ADGRL3: variants seen among roughly 807,000 people sequenced by gnomAD.
ADGRL3 encodes calcium-independent alpha-latrotoxin receptor 3.
Under a neutral mutation model 153.5 loss-of-function variants are expected in ADGRL3, and 62 were observed. The ratio of observed to expected loss-of-function variants is 0.40; its 90% CI spans 0.33 to 0.50. The LOEUF is 0.50. Ranked by LOEUF, ADGRL3 falls within the 20% of genes least tolerant of loss-of-function variation. The pLI is 0.47. For synonymous variants in ADGRL3, 710 were observed against 672.5 expected (o/e 1.06, Z -0.86); for missense variants, 1,641 against 1,859.4 (o/e 0.88, Z 2.16).
chr4:61,577,391 C>G (rs759924210), intron 4 of ADGRL3, among the ~76,000 whole-genome samples: 3 of 151,948 alleles, frequency 2.0e-5, no homozygotes, highest in Non-Finnish European at 4.4e-5. Flanking sequence ...TTGTTTTATT[C>G]TTCACTAAGT....
At chr4:61,297,055 A>G (rs756302309) in intron 1 of ADGRL3, among the ~76,000 whole-genome samples, 4 of 152,184 alleles carry the variant, frequency 2.6e-5, no homozygotes, top group Non-Finnish European at 4.4e-5. Flanking sequence ...TAGTAGATCA[A>G]TGTGTAGCAC....
intron 15 of ADGRL3, among the ~76,000 whole-genome samples, chr4:61,936,774 A>G (rs1368143738): frequency 7.4e-6 from 1 of 135,998 alleles, no homozygotes; most frequent in Non-Finnish European, 1.6e-5. Context: ...ACATATGTAC[A>G]TATGCATACA....
chr4:61,919,527 T>C (rs1368605573), intron 13 of ADGRL3, among the ~76,000 whole-genome samples: 1 of 152,200 alleles, frequency 6.6e-6, no homozygotes, highest in African/African-American at 2.4e-5. Context: ...CTGTAGTTTT[T>C]TTCAGATAAA....
intron 4 of ADGRL3, among the ~76,000 whole-genome samples, chr4:61,538,633 G>T: frequency 6.6e-6 from 1 of 152,102 alleles, no homozygotes; most frequent in Middle Eastern, 3.4e-3. Flanking sequence ...GTAGAGACAG[G>T]GTTTCTCCAT....
chr4:61,915,085 G>A (rs2098739103), intron 13 of ADGRL3, among the ~76,000 whole-genome samples: 1 of 151,746 alleles, frequency 6.6e-6, no homozygotes, highest in Non-Finnish European at 1.5e-5. Context: ...TTATTTAAAA[G>A]GAAAAGGAGA....
At chr4:61,687,890 T>G (rs928571086) in intron 6 of ADGRL3, among the ~76,000 whole-genome samples, 5 of 152,090 alleles carry the variant, frequency 3.3e-5, no homozygotes, top group Non-Finnish European at 7.4e-5. Flanking sequence ...CTGCTTTGTA[T>G]GTATTATTTT....
chr4:61,786,128 T>C (rs2097273058), intron 8 of ADGRL3, among the ~76,000 whole-genome samples: 1 of 152,202 alleles, frequency 6.6e-6, no homozygotes, highest in Non-Finnish European at 1.5e-5. Context: ...AATGTTAGTT[T>C]CATGTTTCCA....
chr4:61,743,114 A>G (rs930675892), intron 8 of ADGRL3, among the ~76,000 whole-genome samples: 1 of 151,714 alleles, frequency 6.6e-6, no homozygotes, highest in Non-Finnish European at 1.5e-5. Context: ...AGGTTAGAAG[A>G]TCTAGACCAT....
intron 2 of ADGRL3, among the ~76,000 whole-genome samples, chr4:61,491,740 T>C (rs2098260042): frequency 6.6e-6 from 1 of 152,088 alleles, no homozygotes; most frequent in African/African-American, 2.4e-5. Flanking sequence ...TCTCCATACG[T>C]CAGTGTTATA....
At chr4:61,456,504 T>G (rs1388561730) in intron 2 of ADGRL3, among the ~76,000 whole-genome samples, 1 of 130,552 alleles carries the variant, frequency 7.7e-6, no homozygotes, top group Non-Finnish European at 1.6e-5. Context: ...TCTATATCTA[T>G]ATATATATAA....
chr4:61,745,250 G>T (rs1189860810), intron 8 of ADGRL3, among the ~76,000 whole-genome samples: 2 of 152,216 alleles, frequency 1.3e-5, no homozygotes, highest in African/African-American at 2.4e-5. Flanking sequence ...ACCTGAAAGT[G>T]ATGGGGAGAA....
chr4:61,487,259 T>A (rs2098205905), intron 2 of ADGRL3, among the ~76,000 whole-genome samples: 1 of 152,180 alleles, frequency 6.6e-6, no homozygotes, highest in South Asian at 2.1e-4. Flanking sequence ...TACTTTTAAC[T>A]ATGTGGCCTC....
At chr4:61,982,340 C>T (rs2099071298) in intron 18 of ADGRL3, among the ~76,000 whole-genome samples, 1 of 152,180 alleles carries the variant, frequency 6.6e-6, no homozygotes, top group African/African-American at 2.4e-5. Context: ...TCCTTTTCTG[C>T]ACTCCACATA....
intron 1 of ADGRL3, among the ~76,000 whole-genome samples, chr4:61,330,004 G>T (rs558359820): frequency 1.2e-4 from 19 of 152,078 alleles, no homozygotes; most frequent in Non-Finnish European, 2.2e-4. Context: ...GCTCCTCTTT[G>T]GTATCTGCCT....
At chr4:61,544,615 T>TA (rs2098705430) in intron 4 of ADGRL3, among the ~76,000 whole-genome samples, 1 of 152,206 alleles carries the variant, frequency 6.6e-6, no homozygotes, top group South Asian at 2.1e-4. Context: ...AAACCATTGT[T>TA]TACCCAGTAT....
chr4:61,522,719 C>G (rs544568304), intron 4 of ADGRL3, among the ~76,000 whole-genome samples: 1 of 152,206 alleles, frequency 6.6e-6, no homozygotes, highest in East Asian at 1.9e-4. Flanking sequence ...TGCTTTAAAA[C>G]CTGTAAGCCA....
chr4:61,810,857 C>A lies in ADGRL3; in HGVS notation c.1400-2952C>A, dbSNP rs918233084. Among the ~76,000 whole-genome samples the A allele has an allele frequency of 5.3e-5, 8 of 152,094 alleles. No homozygotes were observed. In the East Asian group the frequency reaches 1.5e-3, roughly 29 times the overall value. On this transcript the variant is annotated intron_variant, in intron 8 of 26. Coordinates refer to ENST00000683033, the MANE Select transcript of ADGRL3 (RefSeq NM_001387552.1). ...GGGGACATAATTTCTGGCTCAAATT[C>A]TCTGCTTTATCTTTCTATACTCAGG...
intron 17 of ADGRL3, among the ~76,000 whole-genome samples, chr4:61,969,156 C>T (rs1403985743): frequency 6.6e-6 from 1 of 152,080 alleles, no homozygotes; most frequent in Admixed American, 6.6e-5. Flanking sequence ...TTAGTTGCAA[C>T]CTTTGAATCA....
chr4:61,569,874 A>G (rs1441438152), intron 4 of ADGRL3, among the ~76,000 whole-genome samples: 1 of 152,160 alleles, frequency 6.6e-6, no homozygotes, highest in East Asian at 1.9e-4. Flanking sequence ...ATGTTCAACA[A>G]CCACATATAT....
Sources: allele counts gnomAD v4.1 joint callset (sites outside exome capture counted in the v4.1 genomes callset), GRCh38; gene constraint gnomAD v4.1.1; transcripts MANE v1.5; gene names NCBI Gene and HGNC (gene_info 2026-07-23, HGNC 2026-07-21).